Variants in ANKRD30B observed in about 807,000 individuals in gnomAD.
The protein encoded by ANKRD30B is ankyrin repeat domain 30B.
ANKRD30B carries 144 observed loss-of-function variants against 202.2 expected under a neutral mutation model. That is an observed-to-expected ratio of 0.71 (90% CI 0.62 to 0.82). The LOEUF (loss-of-function observed/expected upper bound fraction) is 0.82, where lower values mean the gene tolerates loss of function less well. Among genes scored for constraint, ANKRD30B ranks in the 40% least tolerant of loss-of-function variants. The pLI is 0.00. For missense variants in ANKRD30B, 1,487 were observed against 1,669.1 expected, an observed-to-expected ratio of 0.89 and a Z score of 1.90; for synonymous variants, 508 against 561.3, an observed-to-expected ratio of 0.91 and a Z score of 1.34.
the ANKRD30B span, among the ~76,000 whole-genome samples, chr18:14,860,347 A>C: frequency 1.2e-5 from 1 of 85,726 alleles, no homozygotes; most frequent in Non-Finnish European, 2.3e-5. Flanking sequence ...CTTCCCAGAC[A>C]GGGCTGCCGG....
At position 14,752,642 on chromosome 18, in the gene ANKRD30B, A is replaced by G. The variant is rs762696286; in HGVS notation, c.298A>G (p.Asn100Asp). Residue 100 changes from asparagine to aspartate, a missense_variant, in exon 2 of 44, where the codon AAT (asparagine) becomes GAT (aspartate). Coordinates refer to ENST00000690538, the MANE Select transcript of ANKRD30B (RefSeq NM_001367607.2). ...TFLVDRKCQL[N>D]VLDGEGRTPL... ...TCTGGTAGACAGAAAGTGCCAGCTT[A>G]ATGTCCTTGATGGCGAAGGGAGGAC... 5 of 1,610,174 alleles carry G rather than the reference A, an allele frequency of 3.1e-6. No individual in the cohort carries two copies. The highest frequency in any genetic ancestry group is 2.2e-5 in the South Asian group (2 of 90,554).
chr18:14,926,920 G>C, the ANKRD30B span, among the ~76,000 whole-genome samples: 1 of 150,518 alleles, frequency 6.6e-6, no homozygotes, highest in East Asian at 1.9e-4. Flanking sequence ...TTGTGAGCAA[G>C]GGTTGTGTGT....
chr18:14,860,080 TG>T, the ANKRD30B span, among the ~76,000 whole-genome samples: 3 of 107,066 alleles, frequency 2.8e-5, no homozygotes, highest in Non-Finnish European at 3.8e-5. Context: ...TCCCAGACAA[TG>T]GGCGGCCAGG....
intron 18 of ANKRD30B, among the ~76,000 whole-genome samples, chr18:14,797,224 G>A (rs1968966992): frequency 6.6e-6 from 1 of 152,076 alleles, no homozygotes; most frequent in South Asian, 2.1e-4. Context: ...CCATGCGTCT[G>A]TTTATAGGCT....
intron 30 of ANKRD30B, among the ~76,000 whole-genome samples, chr18:14,820,038 T>C (rs1413371944): frequency 6.6e-6 from 1 of 152,146 alleles, no homozygotes; most frequent in Non-Finnish European, 1.5e-5. Flanking sequence ...TTTATTTCAT[T>C]GAGCAGTGGT....
the ANKRD30B span, among the ~76,000 whole-genome samples, chr18:14,868,135 C>T: frequency 6.6e-6 from 1 of 152,414 alleles, no homozygotes; most frequent in South Asian, 2.1e-4. Context: ...AGGGTGACAG[C>T]AGCGCTGGTT....
the ANKRD30B span, among the ~76,000 whole-genome samples, chr18:14,899,592 C>A: frequency 9.2e-5 from 14 of 152,138 alleles, no homozygotes; most frequent in African/African-American, 3.4e-4. Flanking sequence ...CCAAAACATG[C>A]GACCAACTCC....
At chr18:14,924,772 G>C in the ANKRD30B span, among the ~76,000 whole-genome samples, 2 of 152,252 alleles carry the variant, frequency 1.3e-5, no homozygotes, top group African/African-American at 4.8e-5. Flanking sequence ...AACACAGAGG[G>C]ATCGGGGGAA....
At chr18:14,865,536 A>T in the ANKRD30B span, among the ~76,000 whole-genome samples, 1 of 147,458 alleles carries the variant, frequency 6.8e-6, no homozygotes, top group Non-Finnish European at 1.5e-5. Flanking sequence ...CTACCCAAAA[A>T]CTTTTTCACT....
chr18:14,762,947 A>G (rs892426264), intron 6 of ANKRD30B, among the ~76,000 whole-genome samples: 1 of 152,168 alleles, frequency 6.6e-6, no homozygotes, highest in African/African-American at 2.4e-5. Context: ...TTCCAACAGA[A>G]TTTCCTTAAA....
chr18:14,751,460 A>G (rs1198443239), intron 1 of ANKRD30B, among the ~76,000 whole-genome samples: 2 of 152,108 alleles, frequency 1.3e-5, no homozygotes, highest in Admixed American at 6.5e-5. Context: ...GAGTATTAGG[A>G]CTGAATCTCA....
intron 9 of ANKRD30B, among the ~76,000 whole-genome samples, chr18:14,773,661 CTTTT>C (rs36017456): frequency 1.4e-5 from 2 of 141,200 alleles, no homozygotes. Flanking sequence ...AACTCATGTT[CTTTT>C]TTTTTTTTTT....
the ANKRD30B span, among the ~76,000 whole-genome samples, chr18:14,873,800 G>C: frequency 6.4e-3 from 971 of 152,252 alleles, 19 homozygotes; most frequent in African/African-American, 0.022. Flanking sequence ...ACCTCTGTGG[G>C]CAGCAGAGAA....
At chr18:14,877,095 C>T in the ANKRD30B span, among the ~76,000 whole-genome samples, 3 of 152,202 alleles carry the variant, frequency 2.0e-5, no homozygotes, top group Admixed American at 6.5e-5. Context: ...ATGTCTCAAT[C>T]GTGAGCACCA....
At chr18:14,921,811 G>A in the ANKRD30B span, among the ~76,000 whole-genome samples, 1 of 152,114 alleles carries the variant, frequency 6.6e-6, no homozygotes, top group South Asian at 2.1e-4. Context: ...TCACCACGTG[G>A]CCTTAGGCAA....
chr18:14,791,523 T>A, intron 16 of ANKRD30B, 32 bp downstream of exon 16: 1 of 1,526,544 alleles, frequency 6.6e-7, no homozygotes, highest in Non-Finnish European at 9.0e-7. Context: ...AAAAGTCATT[T>A]GACCAAATAT....
the ANKRD30B span, among the ~76,000 whole-genome samples, chr18:14,862,690 T>A: frequency 2.8e-4 from 43 of 152,140 alleles, no homozygotes; most frequent in East Asian, 7.4e-3. Context: ...CCCTGAATGG[T>A]AGAGCCACGG....
intron 30 of ANKRD30B, among the ~76,000 whole-genome samples, chr18:14,821,623 G>T (rs1970426845): frequency 6.6e-6 from 1 of 152,074 alleles, no homozygotes; most frequent in Admixed American, 6.6e-5. Flanking sequence ...ATACCTGGAT[G>T]ATTTTTGTAT....
chr18:14,772,092 C>A, intron 8 of ANKRD30B, 64 bp from the exon 9 acceptor site: 2 of 1,049,020 alleles, frequency 1.9e-6, no homozygotes, highest in Middle Eastern at 2.3e-4. Context: ...AAGATATGAA[C>A]TAGCAGATTT....
Sources: allele counts gnomAD v4.1 joint callset (sites outside exome capture counted in the v4.1 genomes callset), GRCh38; gene constraint gnomAD v4.1.1; transcripts MANE v1.5; gene names NCBI Gene and HGNC (gene_info 2026-07-23, HGNC 2026-07-21).